The following SAMD3 variants were observed in gnomAD, a reference collection of about 807,000 sequenced individuals.
The protein encoded by SAMD3 is sterile alpha motif domain containing 3.
In SAMD3, 63 loss-of-function variants were observed where a neutral mutation model predicts 58.5. The ratio of observed to expected loss-of-function variants is 1.08; its 90% confidence interval spans 0.88 to 1.33. The LOEUF (loss-of-function observed/expected upper bound fraction) is 1.33. Among genes scored for constraint, SAMD3 ranks in the 40% most tolerant of loss-of-function variants. The pLI, the probability that SAMD3 is intolerant of heterozygous loss-of-function variation, is 0.00. For synonymous variants in SAMD3, 220 were observed against 210.3 expected (o/e 1.05, Z -0.40); for missense variants, 604 against 608.4 (o/e 0.99, Z 0.08).
chr6:130,255,514 C>T (rs1366043123), intron 2 of SAMD3, among the ~76,000 whole-genome samples: 1 of 152,050 alleles, frequency 6.6e-6, no homozygotes, highest in Non-Finnish European at 1.5e-5. Context: ...TTGTTATATC[C>T]TCTTGATGAA....
Position 130,323,734 on chromosome 6 carries a change from C to T in SAMD3, c.-303-10641G>A, listed in dbSNP as rs561344607. Among the ~76,000 whole-genome samples the T allele has an allele frequency of 4.7e-4, 61 of 130,594 alleles. 1 individual carries two copies. The highest frequency in any genetic ancestry group is 4.0e-3 in the Admixed American group (44 of 10,870). The allele number at this position is 130,594 out of a possible 152,430, so 85.7% of individuals were successfully genotyped here. A position where few individuals can be genotyped will look rare whatever the true frequency, so the allele number is the denominator to read the frequency against. ...AGAAGAATTGTTTGAACCCGGGAGG[C>T]GGAGGTTGCAGTGAGCTGAGATCGT... On this transcript the variant is annotated intron_variant, in intron 1 of 13. Coordinates refer to the SAMD3 transcript ENST00000368134.
chr6:130,224,201 G>T (rs1796319914), upstream of SAMD3, among the ~76,000 whole-genome samples: 1 of 152,130 alleles, frequency 6.6e-6, no homozygotes, highest in Admixed American at 6.5e-5. Context: ...TTCTGCCAGT[G>T]TGTTCCTCTT....
chr6:130,168,085 G>A (rs187314033), intron 8 of SAMD3, among the ~76,000 whole-genome samples: 18 of 152,288 alleles, frequency 1.2e-4, no homozygotes, highest in Admixed American at 1.2e-3. Flanking sequence ...GCTCAGACCT[G>A]CAGAAGTTCT....
chr6:130,188,025 T>C (rs541340242), intron 5 of SAMD3, among the ~76,000 whole-genome samples: 6 of 152,332 alleles, frequency 3.9e-5, no homozygotes, highest in African/African-American at 1.4e-4. Flanking sequence ...ATAAAACTTA[T>C]AATAAAGTTA....
At chr6:130,216,820 A>G (rs1796028746) in intron 1 of SAMD3, among the ~76,000 whole-genome samples, 1 of 152,166 alleles carries the variant, frequency 6.6e-6, no homozygotes, top group Non-Finnish European at 1.5e-5. Flanking sequence ...AAAAGTCATT[A>G]TTTGCGAGAC....
chr6:130,292,495 C>T (rs1028586951), intron 2 of SAMD3, among the ~76,000 whole-genome samples: 9 of 151,648 alleles, frequency 5.9e-5, no homozygotes, highest in African/African-American at 1.7e-4. Context: ...CCCTGTTGGC[C>T]GGGCTGGTCT....
At chr6:130,229,917 C>A (rs530440059) in intron 2 of SAMD3, among the ~76,000 whole-genome samples, 1 of 152,274 alleles carries the variant, frequency 6.6e-6, no homozygotes, top group South Asian at 2.1e-4. Context: ...AAACAGATAA[C>A]TACAGACTCT....
intron 8 of SAMD3, among the ~76,000 whole-genome samples, chr6:130,155,410 C>G (rs931621919): frequency 1.3e-5 from 2 of 152,102 alleles, no homozygotes; most frequent in Admixed American, 6.5e-5. Flanking sequence ...TTACTATTAT[C>G]TTTTTTCTTT....
At chr6:130,339,886 T>C (rs1777217839) in intron 1 of SAMD3, among the ~76,000 whole-genome samples, 1 of 122,806 alleles carries the variant, frequency 8.1e-6, no homozygotes, top group Non-Finnish European at 1.6e-5. Context: ...GCCTTTCCAA[T>C]TTGAATATTC....
intron 8 of SAMD3, among the ~76,000 whole-genome samples, chr6:130,164,169 C>T (rs1002099360): frequency 1.3e-5 from 2 of 151,042 alleles, no homozygotes; most frequent in African/African-American, 4.9e-5. Flanking sequence ...GAATATTTCA[C>T]ATCAGAATGC....
chr6:130,185,315 TTTTTA>T (rs1466205286), intron 5 of SAMD3, among the ~76,000 whole-genome samples: 1 of 152,084 alleles, frequency 6.6e-6, no homozygotes, highest in African/African-American at 2.4e-5. Context: ...GCTATTCACT[TTTTTA>T]TTTTTTATTT....
chr6:130,299,645 C>T (rs1038467014), intron 2 of SAMD3, among the ~76,000 whole-genome samples: 1 of 151,948 alleles, frequency 6.6e-6, no homozygotes, highest in Non-Finnish European at 1.5e-5. Context: ...GGCCAAAAAA[C>T]CAGACAAAGG....
Position 130,245,873 on chromosome 6 carries a change from T to C in SAMD3, c.-187-23060A>G, listed in dbSNP as rs149796427. Reference sequence around the variant, plus strand: ...TTTTTTTCTATTTTGTGGCAAATCATGCGTGTGTCTTCCCTCAGTTACACG... The same window carrying C: ...TTTTTTTCTATTTTGTGGCAAATCACGCGTGTGTCTTCCCTCAGTTACACG... On this transcript the variant is annotated intron_variant, in intron 2 of 13. Coordinates refer to the SAMD3 transcript ENST00000368134. 4.6e-5 allele frequency among the ~76,000 whole-genome samples: 7 copies of C among 152,234 alleles called. No individual in the cohort carries two copies. The East Asian group carries it at 1.2e-3, about 25-fold the overall frequency.
rs117839107 is a variant in SAMD3 at position 130,272,601 on chromosome 6, T to C, written c.-188+40377A>G. 3.9e-3 allele frequency among the ~76,000 whole-genome samples: 591 copies of C among 152,332 alleles called. 14 individuals carry two copies. The South Asian group carries it at 0.043, about 11-fold the overall frequency. On this transcript the variant is annotated intron_variant, in intron 2 of 13. Transcript: ENST00000368134. ...GATGAGATAATAAATCTCCAACTGATAATTAAATATTATTGTTCTTTGTGG... is the reference window on the plus strand; with the variant it reads ...GATGAGATAATAAATCTCCAACTGACAATTAAATATTATTGTTCTTTGTGG...
intron 1 of SAMD3, among the ~76,000 whole-genome samples, chr6:130,345,137 G>C (rs569168605): frequency 1.1e-4 from 17 of 152,318 alleles, no homozygotes; most frequent in African/African-American, 3.8e-4. Flanking sequence ...TGAGTGTGGA[G>C]TTGAGCTGAA....
At position 130,241,140 on chromosome 6, in the gene SAMD3, C is replaced by G. The variant is rs35801019; in HGVS notation, c.-187-18327G>C. 5.8e-3 allele frequency among the ~76,000 whole-genome samples: 866 copies of G among 150,294 alleles called. 4 individuals are homozygous for G. The highest frequency in any genetic ancestry group is 9.6e-3 in the Non-Finnish European group (650 of 67,632). On this transcript the variant is annotated intron_variant, in intron 2 of 13. Transcript: ENST00000368134. ...CATTTGAATATTGATCAGAGTGATACAAATCTAGAAACAGCTTTAGCTGAT... is the reference window on the plus strand; with the variant it reads ...CATTTGAATATTGATCAGAGTGATAGAAATCTAGAAACAGCTTTAGCTGAT...
chr6:130,336,597 T>C (rs1404489118), intron 1 of SAMD3, among the ~76,000 whole-genome samples: 1 of 152,212 alleles, frequency 6.6e-6, no homozygotes, highest in Non-Finnish European at 1.5e-5. Flanking sequence ...CCTGTTCATA[T>C]GAGTAATGGC....
intron 1 of SAMD3, among the ~76,000 whole-genome samples, chr6:130,363,492 CT>C (rs900816129): frequency 1.3e-4 from 20 of 151,864 alleles, no homozygotes; most frequent in African/African-American, 3.9e-4. Flanking sequence ...GAGGAAGAGC[CT>C]TTTTTTGATG....
chr6:130,356,506 C>A (rs932353322), intron 1 of SAMD3, among the ~76,000 whole-genome samples: 3 of 152,222 alleles, frequency 2.0e-5, no homozygotes, highest in Admixed American at 6.5e-5. Flanking sequence ...TAGCATGTAT[C>A]ATTTCCAAAC....
Sources: allele counts gnomAD v4.1 joint callset (sites outside exome capture counted in the v4.1 genomes callset), GRCh38; gene constraint gnomAD v4.1.1; transcripts MANE v1.5; gene names NCBI Gene and HGNC (gene_info 2026-07-23, HGNC 2026-07-21).